Variants in OSBPL3 observed in about 807,000 individuals in gnomAD.
OSBPL3 encodes the protein oxysterol binding protein like 3.
OSBPL3 carries 65 observed loss-of-function variants against 120.1 expected under a neutral mutation model. The ratio of observed to expected loss-of-function variants is 0.54; its 90% confidence interval spans 0.44 to 0.67. The LOEUF is 0.67. Ranked by LOEUF, OSBPL3 falls within the 30% of genes least tolerant of loss-of-function variation. The pLI, the probability that OSBPL3 is intolerant of heterozygous loss-of-function variation, is 0.00. For synonymous variants in OSBPL3, 416 were observed against 402.6 expected, an observed-to-expected ratio of 1.03 and a Z score of -0.40; for missense variants, 1,004 against 1,082.1, an observed-to-expected ratio of 0.93 and a Z score of 1.01.
In OSBPL3 at chr7:24,798,991, T is replaced by G. The variant is rs1792001805; in HGVS notation, c.*1192A>C. ...CTTTCAGTAGTTATAATCTGTATTATTCAAGACTGCTGCAAAACTCACAAA... is the reference window on the plus strand; with the variant it reads ...CTTTCAGTAGTTATAATCTGTATTAGTCAAGACTGCTGCAAAACTCACAAA... On this transcript the variant is annotated 3_prime_UTR_variant, in exon 23 of 23. Transcript: ENST00000313367. This position sits in a 1 kb window ranked among gnomAD's most constrained non-coding sequence, Gnocchi z 4.6. 1 of 152,620 alleles carries G rather than the reference T, an allele frequency of 6.6e-6. No homozygotes were observed. The highest frequency in any genetic ancestry group is 6.5e-5 in the Admixed American group (1 of 15,280). 9.5% of individuals were successfully genotyped at this position (152,620 alleles called of 1,614,324 possible).
intron 1 of OSBPL3, among the ~76,000 whole-genome samples, chr7:24,957,674 G>A (rs1396524420): frequency 6.6e-6 from 1 of 152,022 alleles, no homozygotes; most frequent in Non-Finnish European, 1.5e-5. Context: ...TTTCTCATCT[G>A]TAAAACACAA....
rs1242281640 is a variant in OSBPL3, at chr7:24,806,321, A to T, written c.2444+455T>A. ...GAAAGGCCTTAGGGGAGACATTCTT[A>T]TTTCCATTTTACAGAGTAGGAAACT... On this transcript the variant is annotated intron_variant, in intron 21 of 22. Transcript: ENST00000313367. This position sits in a 1 kb window ranked among gnomAD's most constrained non-coding sequence, Gnocchi z 5.2. 6.6e-6 allele frequency among the ~76,000 whole-genome samples: 1 copy of T among 152,166 alleles called. No individual in the cohort carries two copies. Among genetic ancestry groups the T allele is most frequent in the African/African-American group, 2.4e-5 (1 of 41,440 alleles).
At chr7:24,904,921 GT>G (rs1562909455) in intron 1 of OSBPL3, among the ~76,000 whole-genome samples, 62 of 86,096 alleles carry the variant, frequency 7.2e-4, no homozygotes, top group African/African-American at 2.9e-3. Context: ...ATATACAGGT[GT>G]GTGTGTGTGT....
chr7:24,904,508 T>C (rs1807565058), intron 1 of OSBPL3, among the ~76,000 whole-genome samples: 1 of 152,198 alleles, frequency 6.6e-6, no homozygotes, highest in Admixed American at 6.5e-5. Context: ...GTAAGTAATC[T>C]AGAAATAGTT....
intron 1 of OSBPL3, among the ~76,000 whole-genome samples, chr7:24,901,440 T>C (rs1242658351): frequency 3.9e-5 from 6 of 152,226 alleles, no homozygotes; most frequent in Non-Finnish European, 8.8e-5. Context: ...CATGATTTCA[T>C]AGGACATTAG....
chr7:24,911,611 G>A (rs931738781), intron 1 of OSBPL3, among the ~76,000 whole-genome samples: 2 of 152,110 alleles, frequency 1.3e-5, no homozygotes, highest in African/African-American at 4.8e-5. Context: ...ATAACCCTGG[G>A]ACTCAGAATC....
rs1257699981 is a variant in OSBPL3, at chr7:24,813,385, G to T, written c.2172+1674C>A. Reference sequence around the variant, plus strand: ...ATACACCCATTTTCTGCATGTAAGTGAATGAGAACAAGGTAGGTGGTAGAT... The same window carrying T: ...ATACACCCATTTTCTGCATGTAAGTTAATGAGAACAAGGTAGGTGGTAGAT... On this transcript the variant is annotated intron_variant, in intron 19 of 22. Transcript: ENST00000313367. This position sits in a 1 kb window ranked among gnomAD's most constrained non-coding sequence, Gnocchi z 4.5. 1.3e-5 allele frequency among the ~76,000 whole-genome samples: 2 copies of T among 152,192 alleles called. No individual in the cohort carries two copies. Among genetic ancestry groups the T allele is most frequent in the Non-Finnish European group, 2.9e-5 (2 of 68,040 alleles).
In OSBPL3 at chr7:24,854,539, A is replaced by C. The variant is rs200513298; in HGVS notation, c.1028-1905T>G. 6.9e-3 allele frequency among the ~76,000 whole-genome samples: 909 copies of C among 131,710 alleles called. 10 individuals carry two copies. Among genetic ancestry groups the C allele is most frequent in the South Asian group, 0.013 (56 of 4,206 alleles). 86.4% of individuals were successfully genotyped at this position (131,710 alleles called of 152,430 possible). A position where few individuals can be genotyped will look rare whatever the true frequency, so the allele number is the denominator to read the frequency against. The stretch of plus-strand genomic sequence containing the variant: ...ACACACACACACACACACACACACA[A>C]ACACACACAATGGTGCTGCCTCTGC... On this transcript the variant is annotated intron_variant, in intron 10 of 22. Coordinates refer to ENST00000313367, the MANE Select transcript of OSBPL3 (RefSeq NM_015550.4). This position sits in a 1 kb window ranked among gnomAD's most constrained non-coding sequence, Gnocchi z 4.1.
rs1401172535 is a variant in OSBPL3, at chr7:24,940,371, G to T, written c.-150+39515C>A. On this transcript the variant is annotated intron_variant, in intron 1 of 22. Coordinates refer to ENST00000313367, the MANE Select transcript of OSBPL3 (RefSeq NM_015550.4). This position sits in a 1 kb window ranked among gnomAD's most constrained non-coding sequence, Gnocchi z 4.4. The stretch of plus-strand genomic sequence containing the variant: ...AAGATCAGGAGGTGTAGAAATTACT[G>T]GTACCAATGACAGATCATCAAAAGG... Among the ~76,000 whole-genome samples the T allele has an allele frequency of 6.6e-6, 1 of 152,110 alleles. No individual in the cohort carries two copies. The highest frequency in any genetic ancestry group is 1.5e-5 in the Non-Finnish European group (1 of 68,024).
At position 24,835,374 on chromosome 7, in the gene OSBPL3, T is replaced by G. The variant is rs1273718637; in HGVS notation, c.1496-638A>C. 6.6e-6 allele frequency among the ~76,000 whole-genome samples: 1 copy of G among 152,082 alleles called. No homozygotes were observed. The highest frequency in any genetic ancestry group is 6.5e-5 in the Admixed American group (1 of 15,268). On this transcript the variant is annotated intron_variant, in intron 14 of 22. Coordinates refer to ENST00000313367, the MANE Select transcript of OSBPL3 (RefSeq NM_015550.4). This position sits in a 1 kb window ranked among gnomAD's most constrained non-coding sequence, Gnocchi z 4.8. ...ATCAAAACCACAATGAGATATCATC[T>G]CATACCAATCAGAATAGCAATTACT... is the stretch of plus-strand genomic sequence containing the variant.
In OSBPL3 at chr7:24,827,781, G is replaced by C. The variant is rs911154857; in HGVS notation, c.1884+2987C>G. Among the ~76,000 whole-genome samples the C allele has an allele frequency of 6.6e-6, 1 of 152,194 alleles. No individual in the cohort carries two copies. Among genetic ancestry groups the C allele is most frequent in the African/African-American group, 2.4e-5 (1 of 41,436 alleles). On this transcript the variant is annotated intron_variant, in intron 16 of 22. Coordinates refer to ENST00000313367, the MANE Select transcript of OSBPL3 (RefSeq NM_015550.4). This position sits in a 1 kb window ranked among gnomAD's most constrained non-coding sequence, Gnocchi z 5.1. ...AGATGAAGCAGCTCCATGATGATCA[G>C]GACTGGTGGTATGACCATGGTGAAG... is the stretch of plus-strand genomic sequence containing the variant.
chr7:24,854,623 C>G lies in OSBPL3; in HGVS notation c.1028-1989G>C, dbSNP rs1207344613. On this transcript the variant is annotated intron_variant, in intron 10 of 22. Transcript: ENST00000313367. This position sits in a 1 kb window ranked among gnomAD's most constrained non-coding sequence, Gnocchi z 4.1. The stretch of plus-strand genomic sequence containing the variant: ...TTTCTAACGACGCCTATGAAACACA[C>G]TTAGCTCCTTGCTTTAAACAATTTA... Among the ~76,000 whole-genome samples, 3 of 152,094 alleles carry G rather than the reference C, an allele frequency of 2.0e-5. No individual in the cohort carries two copies. Among genetic ancestry groups the G allele is most frequent in the Non-Finnish European group, 4.4e-5 (3 of 68,036 alleles).
In OSBPL3 at chr7:24,863,341, C is replaced by T. The variant is rs368272726; in HGVS notation, c.778-49G>A. 19 of 1,537,812 alleles carry T rather than the reference C, an allele frequency of 1.2e-5. No individual in the cohort carries two copies. The highest frequency in any genetic ancestry group is 1.7e-5 in the Non-Finnish European group (19 of 1,110,566). On this transcript the variant is annotated intron_variant, in intron 8 of 22. Coordinates refer to ENST00000313367, the MANE Select transcript of OSBPL3 (RefSeq NM_015550.4). The surrounding 1 kb of genome is among the most constrained non-coding windows in gnomAD (Gnocchi z 5.8). ...AGCACAGACAGTAAAGTCCACCAAACCGACAAGGATAAATGCATAGCAAAG... is the reference window on the plus strand; with the variant it reads ...AGCACAGACAGTAAAGTCCACCAAATCGACAAGGATAAATGCATAGCAAAG...
At chr7:24,971,851 C>T (rs962193002) in intron 1 of OSBPL3, among the ~76,000 whole-genome samples, 1 of 152,208 alleles carries the variant, frequency 6.6e-6, no homozygotes, top group Non-Finnish European at 1.5e-5. Context: ...ATTACCTCCA[C>T]CTTCAAAGGA....
chr7:24,832,366 CG>C (rs1796484107), intron 15 of OSBPL3, among the ~76,000 whole-genome samples: 1 of 149,054 alleles, frequency 6.7e-6, no homozygotes, highest in African/African-American at 2.5e-5. Context: ...AAAAATTAGC[CG>C]GGTGTGGTGG....
chr7:24,836,370 T>A (rs1796995453), intron 14 of OSBPL3, among the ~76,000 whole-genome samples: 1 of 152,228 alleles, frequency 6.6e-6, no homozygotes, highest in African/African-American at 2.4e-5. Context: ...AGATTTCCTG[T>A]GTGGTTTGGA....
In OSBPL3 at chr7:24,834,766, A is replaced by G. The variant is rs1397529326; in HGVS notation, c.1496-30T>C. 4.3e-5 allele frequency: 65 copies of G among 1,528,090 alleles called. No individual in the cohort carries two copies. Among genetic ancestry groups the G allele is most frequent in the Non-Finnish European group, 5.6e-5 (64 of 1,142,650 alleles). The allele number at this position is 1,528,090 out of a possible 1,614,324, so 94.7% of individuals were successfully genotyped here. A position where few individuals can be genotyped will look rare whatever the true frequency, so the allele number is the denominator to read the frequency against. Reference sequence around the variant, plus strand: ...AAGGGAAAGAGGCCTGGTTGTCTCTATAAAGCTTTTCATTTTATTCTATTA... The same window carrying G: ...AAGGGAAAGAGGCCTGGTTGTCTCTGTAAAGCTTTTCATTTTATTCTATTA... On this transcript the variant is annotated intron_variant, in intron 14 of 22. Transcript: ENST00000313367. The surrounding 1 kb of genome is among the most constrained non-coding windows in gnomAD (Gnocchi z 5.2).
Position 24,955,550 on chromosome 7 carries a change from C to T in OSBPL3, c.-150+24336G>A, listed in dbSNP as rs919069703. ...TTCTCTAAGTAGATGTTTGTGCAGT[C>T]TGTGCTTCCCCTCTTTTTTCAGGTT... On this transcript the variant is annotated intron_variant, in intron 1 of 22. Coordinates refer to ENST00000313367, the MANE Select transcript of OSBPL3 (RefSeq NM_015550.4). This position sits in a 1 kb window ranked among gnomAD's most constrained non-coding sequence, Gnocchi z 4.3. Among the ~76,000 whole-genome samples the T allele has an allele frequency of 1.3e-5, 2 of 152,194 alleles. No homozygotes were observed. The highest frequency in any genetic ancestry group is 4.8e-5 in the African/African-American group (2 of 41,452).
At chr7:24,860,679 T>C (rs1187480244) in intron 10 of OSBPL3, among the ~76,000 whole-genome samples, 2 of 152,190 alleles carry the variant, frequency 1.3e-5, no homozygotes, top group Non-Finnish European at 2.9e-5. Flanking sequence ...ACCTATACTA[T>C]GTAATGTTTT....
Sources: gnomAD v4.1 joint callset for allele counts (sites outside exome capture counted in the v4.1 genomes callset) on GRCh38, gnomAD v4.1.1 for gene constraint, Gnocchi (gnomAD v3.1) non-coding constraint, MANE v1.5 for transcripts, NCBI Gene and HGNC (gene_info 2026-07-23, HGNC 2026-07-21) for gene names.